The following SCML4 variants were observed in gnomAD, a reference collection of about 807,000 sequenced individuals.
SCML4 encodes the protein Scm polycomb group protein like 4.
SCML4 carries 34 observed loss-of-function variants against 41.1 expected under a neutral mutation model. The ratio of observed to expected loss-of-function variants is 0.83; its 90% CI spans 0.63 to 1.10. The LOEUF (loss-of-function observed/expected upper bound fraction) is 1.10. Among genes scored for constraint, SCML4 ranks in the 50% least tolerant of loss-of-function variants. The pLI, the probability that SCML4 is intolerant of heterozygous loss-of-function variation, is 0.00. For synonymous variants in SCML4, 214 were observed against 220.9 expected, an observed-to-expected ratio of 0.97 and a Z score of 0.28; for missense variants, 522 against 534.1, an observed-to-expected ratio of 0.98 and a Z score of 0.22.
intron 5 of SCML4, among the ~76,000 whole-genome samples, chr6:107,722,561 A>AAAC (rs1168963462): frequency 2.6e-5 from 4 of 152,330 alleles, no homozygotes; most frequent in East Asian, 1.9e-4. Flanking sequence ...AAACAAAACA[A>AAAC]AACAACAACA....
At chr6:107,754,848 C>T (rs1279663081) in intron 2 of SCML4, among the ~76,000 whole-genome samples, 2 of 152,146 alleles carry the variant, frequency 1.3e-5, no homozygotes, top group Non-Finnish European at 2.9e-5. Context: ...TTGGCTCACA[C>T]CTGTAATCCC....
In SCML4 at chr6:107,720,897, G is replaced by T. The variant is rs749158523; in HGVS notation, c.779C>A (p.Ser260Tyr). The change falls in exon 6 of 8, where the codon TCC (serine) becomes TAC (tyrosine). Residue 260 changes from serine to tyrosine, a missense_variant. Coordinates refer to ENST00000369020, the MANE Select transcript of SCML4 (RefSeq NM_198081.5). ...TSASTFNHRG[S>Y]LHPSSSLYCK... ...GTACAGCGAGGAGGAGGGGTGCAAG[G>T]AGCCCCTGTGGTTAAAGGTGGAGGC... 6.2e-7 allele frequency: 1 copy of T among 1,614,184 alleles called. No homozygotes were observed. Among genetic ancestry groups the T allele is most frequent in the East Asian group, 2.2e-5 (1 of 44,884 alleles).
intron 5 of SCML4, among the ~76,000 whole-genome samples, chr6:107,728,358 C>T (rs1583425234): frequency 6.6e-6 from 1 of 152,154 alleles, no homozygotes; most frequent in Non-Finnish European, 1.5e-5. Flanking sequence ...TGCCTGTAAT[C>T]CCAGCACTTT....
intron 1 of SCML4, among the ~76,000 whole-genome samples, chr6:107,796,274 C>T (rs534175784): frequency 1.3e-5 from 2 of 152,224 alleles, no homozygotes; most frequent in East Asian, 3.9e-4. Flanking sequence ...ATACCATTTT[C>T]ACTCCCAGCA....
In SCML4 at chr6:107,749,746, A is replaced by G; in HGVS notation, c.224T>C (p.Leu75Pro). 1 of 1,613,982 alleles carries G rather than the reference A, an allele frequency of 6.2e-7. No homozygotes were observed. Among genetic ancestry groups the G allele is most frequent in the Non-Finnish European group, 8.5e-7 (1 of 1,179,970 alleles). Residue 75 changes from leucine to proline, a missense_variant, in exon 3 of 8, where the codon CTC becomes CCC. By Grantham distance (98) the Leu-to-Pro change is moderately conservative. Transcript: ENST00000369020. Reference protein sequence around the residue: ...SPPRSTPEPDLSSIPQDAATV... With the variant: ...SPPRSTPEPDPSSIPQDAATV... ...GGCTGCGTCCTGAGGGATGGAGCTG[A>G]GGTCGGGCTCTGGGGTACTCCGCGG... is the stretch of plus-strand genomic sequence containing the variant.
Position 107,715,732 on chromosome 6 carries a change from G to A in SCML4, c.973+4971C>T, listed in dbSNP as rs115101196. ...TATATCACAACTGCAGGAAGCTAAA[G>A]GTAAGTACCGCCAGAGAGAGAAGGC... On this transcript the variant is annotated intron_variant, in intron 6 of 7. Transcript: ENST00000369020. 4.6e-3 allele frequency among the ~76,000 whole-genome samples: 703 copies of A among 152,222 alleles called. 7 individuals carry two copies. The highest frequency in any genetic ancestry group is 0.016 in the African/African-American group (672 of 41,530).
chr6:107,791,696 G>C (rs944066641), intron 1 of SCML4, among the ~76,000 whole-genome samples: 1 of 152,224 alleles, frequency 6.6e-6, no homozygotes, highest in Non-Finnish European at 1.5e-5. Context: ...GCTCATGCCT[G>C]TAATCCCAGC....
chr6:107,770,648 GT>G (rs1780441482), intron 2 of SCML4, among the ~76,000 whole-genome samples: 1 of 152,204 alleles, frequency 6.6e-6, no homozygotes, highest in Non-Finnish European at 1.5e-5. Flanking sequence ...CCTGACCTGA[GT>G]TGTCTCTGAG....
upstream of SCML4, among the ~76,000 whole-genome samples, chr6:107,825,579 G>A (rs1318303763): frequency 6.6e-6 from 1 of 152,170 alleles, no homozygotes; most frequent in Non-Finnish European, 1.5e-5. Context: ...GGCAGGTTTG[G>A]TAGTTTGCAT....
At chr6:107,806,961 C>T (rs753546001) in intron 1 of SCML4, among the ~76,000 whole-genome samples, 6 of 152,136 alleles carry the variant, frequency 3.9e-5, no homozygotes, top group Non-Finnish European at 8.8e-5. Context: ...CTCAGGTGCT[C>T]CTGTGCATGA....
intron 1 of SCML4, among the ~76,000 whole-genome samples, chr6:107,814,519 C>T (rs906279655): frequency 6.6e-6 from 1 of 152,340 alleles, no homozygotes; most frequent in Admixed American, 6.5e-5. Flanking sequence ...AGCCAACCTA[C>T]AGAAGAGTGA....
At chr6:107,709,323 T>G (rs1010082124) in intron 6 of SCML4, among the ~76,000 whole-genome samples, 1 of 152,196 alleles carries the variant, frequency 6.6e-6, no homozygotes, top group African/African-American at 2.4e-5. Flanking sequence ...TGCCCCTTGC[T>G]GGTGATTGGA....
intron 2 of SCML4, among the ~76,000 whole-genome samples, chr6:107,763,336 C>T (rs936148621): frequency 2.6e-5 from 4 of 151,550 alleles, no homozygotes; most frequent in Non-Finnish European, 5.9e-5. Context: ...CTTAGGTTTA[C>T]ATGAGGTCAT....
intron 1 of SCML4, among the ~76,000 whole-genome samples, chr6:107,798,246 T>TTCATACA (rs1782854335): frequency 6.6e-6 from 1 of 151,998 alleles, no homozygotes; most frequent in Non-Finnish European, 1.5e-5. Flanking sequence ...AGAAGTCATC[T>TTCATACA]GAGTCTGAAA....
rs151314484 is a variant in SCML4, at chr6:107,794,907, C to A, written c.-59-22521G>T. On this transcript the variant is annotated intron_variant, in intron 1 of 7. Transcript: ENST00000369020. ...TGGCCAGCAACTACATCACTCCAGT[C>A]CCTTCCTCCATGGCCTCATGACCTT... Among the ~76,000 whole-genome samples, 489 of 152,290 alleles carry A rather than the reference C, an allele frequency of 3.2e-3. 2 individuals are homozygous for A. Among genetic ancestry groups the A allele is most frequent in the African/African-American group, 0.011 (468 of 41,562 alleles).
At chr6:107,829,178 A>G (rs1316022933), upstream of SCML4, among the ~76,000 whole-genome samples, 1 of 152,112 alleles carries the variant, frequency 6.6e-6, no homozygotes, top group Non-Finnish European at 1.5e-5. Flanking sequence ...CCAGGAGTTC[A>G]AGACCAGCCC....
chr6:107,736,858 C>G (rs1263109017), intron 5 of SCML4, among the ~76,000 whole-genome samples: 1 of 152,292 alleles, frequency 6.6e-6, no homozygotes, highest in East Asian at 1.9e-4. Flanking sequence ...AGGAAGGAAA[C>G]AGTAAGCCTC....
chr6:107,817,954 C>T (rs1008472021), intron 1 of SCML4, among the ~76,000 whole-genome samples: 38 of 152,300 alleles, frequency 2.5e-4, no homozygotes, highest in Middle Eastern at 3.4e-3. Flanking sequence ...ACCAACACAA[C>T]CCCACCATGC....
chr6:107,751,120 A>T (rs553035055), intron 2 of SCML4, among the ~76,000 whole-genome samples: 3 of 152,216 alleles, frequency 2.0e-5, no homozygotes, highest in Admixed American at 6.5e-5. Context: ...GGCCTCATGG[A>T]ACTGATATTC....
Sources: allele counts gnomAD v4.1 joint callset (sites outside exome capture counted in the v4.1 genomes callset), GRCh38; gene constraint gnomAD v4.1.1; transcripts MANE v1.5; gene names NCBI Gene and HGNC (gene_info 2026-07-23, HGNC 2026-07-21).